The following GK5 variants were observed in gnomAD, a reference collection of about 807,000 sequenced individuals.
GK5 encodes ATP:glycerol 3-phosphotransferase 5.
A neutral mutation model predicts 77.3 loss-of-function variants in GK5; 39 were observed. The ratio of observed to expected loss-of-function variants is 0.50; its 90% CI spans 0.39 to 0.66. GK5 has a LOEUF of 0.66. Among genes scored for constraint, GK5 ranks in the 30% least tolerant of loss-of-function variants. GK5 has a pLI of 0.00. For synonymous variants in GK5, 211 were observed against 208.0 expected (o/e 1.01, Z -0.13); for missense variants, 487 against 633.8 (o/e 0.77, Z 2.49).
chr3:142,206,100 C>T (rs6769133), intron 3 of GK5, among the ~76,000 whole-genome samples: 88,875 of 152,048 alleles, frequency 0.58, 26,814 homozygotes, highest in Non-Finnish European at 0.65. Flanking sequence ...AAATGTATTC[C>T]GTTTTATGGC....
intron 9 of GK5, chr3:142,185,112 C>G (rs1366506599): frequency 1.0e-6 from 1 of 985,216 alleles, no homozygotes; most frequent in African/African-American, 1.7e-5. Flanking sequence ...TGTGAAAGGA[C>G]TCTTAAAAAT....
At chr3:142,216,945 T>A (rs1248475721) in intron 1 of GK5, among the ~76,000 whole-genome samples, 1 of 152,082 alleles carries the variant, frequency 6.6e-6, no homozygotes, top group Non-Finnish European at 1.5e-5. Flanking sequence ...ATGCAATAAA[T>A]ACCTGCTAAA....
At chr3:142,170,580 A>T in intron 14 of GK5, 122 bp from the exon 15 acceptor site, 2 of 780,870 alleles carry the variant, frequency 2.6e-6, no homozygotes, top group Non-Finnish European at 4.0e-6. Context: ...TTTAATTCTA[A>T]AATTAAATCA....
chr3:142,201,117 C>T (rs2064014775), intron 4 of GK5, among the ~76,000 whole-genome samples: 1 of 152,096 alleles, frequency 6.6e-6, no homozygotes, highest in Non-Finnish European at 1.5e-5. Flanking sequence ...TACCATATGA[C>T]CTTGAGGTTT....
At chr3:142,209,881 C>T (rs1189915814) in intron 3 of GK5, among the ~76,000 whole-genome samples, 1 of 152,078 alleles carries the variant, frequency 6.6e-6, no homozygotes, top group East Asian at 1.9e-4. Flanking sequence ...AATTGGCACA[C>T]ACCCTGATCT....
rs1577096885 is a variant in GK5, at chr3:142,158,468, A to G, written c.*7154T>C. The G allele has an allele frequency of 6.6e-6, 1 of 152,594 alleles. No homozygotes were observed. Among genetic ancestry groups the G allele is most frequent in the South Asian group, 2.1e-4 (1 of 4,828 alleles). 9.5% of individuals were successfully genotyped at this position (152,594 alleles called of 1,614,324 possible). A position where few individuals can be genotyped will look rare whatever the true frequency, so the allele number is the denominator to read the frequency against. On this transcript the variant is annotated 3_prime_UTR_variant, in exon 16 of 16. Coordinates refer to ENST00000392993, the MANE Select transcript of GK5 (RefSeq NM_001039547.3). ...TAATTTTTTTTAAATCTAAAAGTAGACAAAAAGGGAAGGGAAAAATTCATA... is the reference window on the plus strand; with the variant it reads ...TAATTTTTTTTAAATCTAAAAGTAGGCAAAAAGGGAAGGGAAAAATTCATA...
chr3:142,173,795 C>T (rs145775968), intron 12 of GK5, among the ~76,000 whole-genome samples: 125 of 152,296 alleles, frequency 8.2e-4, no homozygotes, highest in Non-Finnish European at 8.8e-4. Flanking sequence ...CTCACAAGAG[C>T]GCTAACACAT....
In GK5 at chr3:142,170,477, G is replaced by A. The variant is rs549385579; in HGVS notation, c.1308-19C>T. 3 of 1,581,584 alleles carry A rather than the reference G, an allele frequency of 1.9e-6. No homozygotes were observed. Among genetic ancestry groups the A allele is most frequent in the East Asian group, 4.5e-5 (2 of 44,134 alleles). ...ATCTGCCCTGTGGGGAACAAAATAT[G>A]TAAGATGAATTACTACAACAAAAGT... On this transcript the variant is annotated intron_variant, in intron 14 of 15. Coordinates refer to ENST00000392993, the MANE Select transcript of GK5 (RefSeq NM_001039547.3).
At chr3:142,191,638 G>A (rs900587386) in intron 5 of GK5, among the ~76,000 whole-genome samples, 2 of 151,996 alleles carry the variant, frequency 1.3e-5, no homozygotes, top group Admixed American at 6.6e-5. Flanking sequence ...AGAAGTTCAA[G>A]ACCAGTCTGG....
At chr3:142,185,740 G>A in intron 9 of GK5, 189 bp downstream of exon 9, 1 of 1,543,790 alleles carries the variant, frequency 6.5e-7, no homozygotes, top group East Asian at 2.4e-5. Context: ...CTGGCTCAAT[G>A]GTCCCCTTCC....
At chr3:142,219,723 T>C (rs1333992669) in intron 1 of GK5, among the ~76,000 whole-genome samples, 1 of 152,182 alleles carries the variant, frequency 6.6e-6, no homozygotes, top group Non-Finnish European at 1.5e-5. Flanking sequence ...TGGCCTGTAA[T>C]CCAGTACTTT....
intron 2 of GK5, 36 bp downstream of exon 2, chr3:142,215,563 C>A: frequency 8.9e-7 from 1 of 1,128,328 alleles, no homozygotes; most frequent in South Asian, 1.5e-5. Flanking sequence ...AAAAAAAAAC[C>A]ATAAAGATTA....
Position 142,199,601 on chromosome 3 carries a change from T to C in GK5, c.412-668A>G, listed in dbSNP as rs192550578. ...AAGTTTGCACTAACACAGACAGAAA[T>C]TTCCCTATACATTAAGTACTTAAAA... On this transcript the variant is annotated intron_variant, in intron 4 of 15. Transcript: ENST00000392993. Among the ~76,000 whole-genome samples the C allele has an allele frequency of 2.6e-5, 4 of 152,226 alleles. No homozygotes were observed. The East Asian group carries it at 7.7e-4, about 29-fold the overall frequency.
chr3:142,185,876 A>G (rs1010265266), intron 9 of GK5, 53 bp downstream of exon 9: 10 of 1,550,304 alleles, frequency 6.5e-6, no homozygotes, highest in African/African-American at 4.2e-5. Context: ...TTATTAATAC[A>G]TATTACTTTA....
In GK5 at chr3:142,157,696, T is replaced by C. The variant is rs1223918103; in HGVS notation, c.*7926A>G. 6.6e-6 allele frequency: 1 copy of C among 152,224 alleles called. No individual in the cohort carries two copies. The highest frequency in any genetic ancestry group is 1.5e-5 in the Non-Finnish European group (1 of 68,034). 9.4% of individuals were successfully genotyped at this position (152,224 alleles called of 1,614,324 possible). A position where few individuals can be genotyped will look rare whatever the true frequency, so the allele number is the denominator to read the frequency against. On this transcript the variant is annotated 3_prime_UTR_variant, in exon 16 of 16. Transcript: ENST00000392993. ...CTTTTCTCCAGTTATTTATAATCTT[T>C]CTAAATATTTTAAAATACAGTATAT...
intron 9 of GK5, 142 bp downstream of exon 9, chr3:142,185,787 C>A (rs530422342): frequency 1.9e-6 from 3 of 1,551,330 alleles, no homozygotes; most frequent in Middle Eastern, 1.7e-4. Context: ...TATCCAGGGA[C>A]CTTTAACTTA....
intron 3 of GK5, among the ~76,000 whole-genome samples, chr3:142,208,378 A>AT (rs1302808242): frequency 6.6e-6 from 1 of 152,056 alleles, no homozygotes; most frequent in Non-Finnish European, 1.5e-5. Flanking sequence ...AGTCATGATG[A>AT]TTTTCTCCTG....
Position 142,162,319 on chromosome 3 carries a change from G to C in GK5, c.*3303C>G, listed in dbSNP as rs2063431812. 6.6e-6 allele frequency: 1 copy of C among 152,150 alleles called. No homozygotes were observed. The highest frequency in any genetic ancestry group is 6.5e-5 in the Admixed American group (1 of 15,274). 9.4% of individuals were successfully genotyped at this position (152,150 alleles called of 1,614,324 possible). ...TTTGCCTCTCAGAATGGCAATGTTT[G>C]AAGACATTTTTGGCCATAACAACTA... On this transcript the variant is annotated 3_prime_UTR_variant, in exon 16 of 16. Coordinates refer to ENST00000392993, the MANE Select transcript of GK5 (RefSeq NM_001039547.3).
At chr3:142,182,063 A>C (rs1248153087) in intron 10 of GK5, among the ~76,000 whole-genome samples, 1 of 152,192 alleles carries the variant, frequency 6.6e-6, no homozygotes, top group Non-Finnish European at 1.5e-5. Context: ...CCATCTTCCT[A>C]GTTAGGGGAA....
Sources: allele counts gnomAD v4.1 joint callset (sites outside exome capture counted in the v4.1 genomes callset), GRCh38; gene constraint gnomAD v4.1.1; transcripts MANE v1.5; gene names NCBI Gene and HGNC (gene_info 2026-07-23, HGNC 2026-07-21).